SPEG: variants seen among roughly 807,000 people sequenced by gnomAD.
SPEG encodes striated muscle enriched protein kinase, also known as striated muscle preferentially expressed protein kinase.
SPEG carries 114 observed loss-of-function variants against 300.4 expected under a neutral mutation model. The observed-to-expected ratio is 0.38, with a 90% CI of 0.33 to 0.44. The LOEUF (loss-of-function observed/expected upper bound fraction) is 0.44. SPEG is among the 20% of genes least tolerant of loss of function. The pLI, the probability that SPEG is intolerant of heterozygous loss-of-function variation, is 1.00. For synonymous variants in SPEG, 1,964 were observed against 2,018.9 expected, an observed-to-expected ratio of 0.97 and a Z score of 0.73; for missense variants, 4,201 against 4,586.2, an observed-to-expected ratio of 0.92 and a Z score of 2.43.
rs939797764 is a variant in SPEG at position 219,479,471 on chromosome 2, C to G, written c.5085+270C>G. Among the ~76,000 whole-genome samples, 4 of 152,194 alleles carry G rather than the reference C, an allele frequency of 2.6e-5. No homozygotes were observed. The highest frequency in any genetic ancestry group is 4.4e-5 in the Non-Finnish European group (3 of 68,022). The stretch of plus-strand genomic sequence containing the variant: ...CCACTCTTCATCACATAAACATCCC[C>G]CAAACATTTCTCCTGGAAGGAGCCC... On this transcript the variant is annotated intron_variant, in intron 23 of 40. Coordinates refer to ENST00000312358, the MANE Select transcript of SPEG (RefSeq NM_005876.5). This position sits in a 1 kb window ranked among gnomAD's most constrained non-coding sequence, Gnocchi z 5.5.
At chr2:219,447,222 G>T (rs1383796978) in intron 3 of SPEG, among the ~76,000 whole-genome samples, 1 of 141,604 alleles carries the variant, frequency 7.1e-6, no homozygotes, top group East Asian at 2.2e-4. Flanking sequence ...GTGGGGGGGG[G>T]CCTTCTGTAC....
At chr2:219,455,841 G>T (rs144904621) in intron 6 of SPEG, among the ~76,000 whole-genome samples, 1 of 152,126 alleles carries the variant, frequency 6.6e-6, no homozygotes, top group Non-Finnish European at 1.5e-5. Context: ...CCCACCGTGC[G>T]CCCCGAGAGG....
At position 219,435,019 on chromosome 2, in the gene SPEG, G is replaced by A; in HGVS notation, c.42G>A (p.Thr14=). 2.0e-6 allele frequency: 3 copies of A among 1,503,760 alleles called. No individual in the cohort carries two copies. Among genetic ancestry groups the A allele is most frequent in the East Asian group, 2.8e-5 (1 of 35,858 alleles). 93.2% of individuals were successfully genotyped at this position (1,503,760 alleles called of 1,614,324 possible). ...GCACGCGAGGCGAGGATGCGGGCAC[G>A]AGGGCACCCCCCAGCCCCGGAGTGC... ...ARGTRGEDAG[T]RAPPSPGVPP... The change falls in exon 1 of 41, where the codon ACG becomes ACA. Residue 14 remains threonine (T), a synonymous_variant. Coordinates refer to ENST00000312358, the MANE Select transcript of SPEG (RefSeq NM_005876.5).
intron 9 of SPEG, chr2:219,465,934 CGTGCACGTGTGCGTGCAT>C: frequency 1.6e-6 from 1 of 626,024 alleles, no homozygotes; most frequent in Non-Finnish European, 2.6e-6. Context: ...CGCGCGTGTG[CGTGCACGTGTGCGTGCAT>C]GTGTGCGTGT....
intron 6 of SPEG, chr2:219,461,652 C>A: frequency 1.2e-6 from 1 of 846,608 alleles, no homozygotes; most frequent in Non-Finnish European, 1.7e-6. Context: ...GTGTCCCCTC[C>A]TGGGAGGATC....
Position 219,485,395 on chromosome 2 carries a change from G to T in SPEG, c.7659G>T (p.Arg2553=). The T allele has an allele frequency of 1.2e-6, 2 of 1,608,424 alleles. No individual in the cohort carries two copies. The highest frequency in any genetic ancestry group is 1.7e-6 in the Non-Finnish European group (2 of 1,177,616). ...SRLRWGFSRP[R]KDKGLSPPNL... is the part of the protein sequence containing the mutation. Reference sequence around the variant, plus strand: ...TCCGCTGGGGCTTCTCTCGGCCGCGGAAGGACAAGGGGTTATCGCCACCAA... The same window carrying T: ...TCCGCTGGGGCTTCTCTCGGCCGCGTAAGGACAAGGGGTTATCGCCACCAA... The change falls in exon 31 of 41, where the codon CGG becomes CGT. Residue 2553 remains arginine (R), a synonymous_variant. Coordinates refer to ENST00000312358, the MANE Select transcript of SPEG (RefSeq NM_005876.5).
chr2:219,436,175 C>A lies in SPEG; in HGVS notation c.388+810C>A, dbSNP rs187587513. 2.0e-5 allele frequency among the ~76,000 whole-genome samples: 3 copies of A among 152,320 alleles called. No individual in the cohort carries two copies. In the South Asian group the frequency reaches 6.2e-4, roughly 32 times the overall value. On this transcript the variant is annotated intron_variant, in intron 1 of 40. Coordinates refer to ENST00000312358, the MANE Select transcript of SPEG (RefSeq NM_005876.5). The stretch of plus-strand genomic sequence containing the variant: ...ATGCTATGGACCAGTGCTTGTCCCC[C>A]GCCCATAGATTTCCAGGTGCAGTGT...
intron 36 of SPEG, 140 bp from the exon 37 acceptor site, chr2:219,490,268 CT>C: frequency 8.0e-7 from 1 of 1,247,234 alleles, no homozygotes; most frequent in Non-Finnish European, 1.1e-6. Context: ...ACCCTGGTTT[CT>C]AGGATTGAAC....
At position 219,448,441 on chromosome 2, in the gene SPEG, T is replaced by C. The variant is rs1689485412; in HGVS notation, c.1283T>C (p.Val428Ala). 6.6e-7 allele frequency: 1 copy of C among 1,512,522 alleles called. No individual in the cohort carries two copies. Among genetic ancestry groups the C allele is most frequent in the South Asian group, 1.2e-5 (1 of 81,064 alleles). The allele number at this position is 1,512,522 out of a possible 1,614,324, so 93.7% of individuals were successfully genotyped here. A position where few individuals can be genotyped will look rare whatever the true frequency, so the allele number is the denominator to read the frequency against. ...DSPPAPLRPW[V>A]PLRKARSLEQ... ...CCGCCGGCGCCCCTGCGGCCCTGGGTGCCCCTGCGCAAGGCCCGCTCTCTG... is the reference window on the plus strand; with the variant it reads ...CCGCCGGCGCCCCTGCGGCCCTGGGCGCCCCTGCGCAAGGCCCGCTCTCTG... Residue 428 changes from valine (V) to alanine (A), a missense_variant, in exon 4 of 41, where the codon GTG becomes GCG. Val to Ala is a moderately conservative substitution (Grantham distance 64). Around this residue, in one of 4 missense-constraint regions of SPEG, gnomAD observed 1,258 missense variants for 1,293.9 expected, o/e 0.97. Transcript: ENST00000312358.
chr2:219,489,194 GAGA>G lies in SPEG; in HGVS notation c.8293_8295del (p.Lys2765del). Reference sequence around the variant, plus strand: ...GCAGGGGCCCTTCAGCAACTCTTCTGAGAAGGTCTTTGTCAGGGGTACTCAAGG... The same window carrying G: ...GCAGGGGCCCTTCAGCAACTCTTCTGAGGTCTTTGTCAGGGGTACTCAAGG... On this transcript the variant is annotated inframe_deletion, in exon 35 of 41. Transcript: ENST00000312358. The G allele has an allele frequency of 1.2e-6, 2 of 1,613,978 alleles. No individual in the cohort carries two copies. Among genetic ancestry groups the G allele is most frequent in the Non-Finnish European group, 8.5e-7 (1 of 1,179,946 alleles).
chr2:219,448,665 C>T lies in SPEG; in HGVS notation c.1507C>T (p.Arg503Cys), dbSNP rs1187384456. ...RFAQELGRIR[R>C]STSREELVRS... ...CGCCCAGGAGCTGGGCCGCATCCGCCGCTCCACGTCGCGGGAGGAGCTGGT... is the reference window on the plus strand; with the variant it reads ...CGCCCAGGAGCTGGGCCGCATCCGCTGCTCCACGTCGCGGGAGGAGCTGGT... The change falls in exon 4 of 41, where the codon CGC (arginine) becomes TGC (cysteine). Residue 503 changes from arginine to cysteine, a missense_variant. This residue lies in a region of SPEG where 1,258 missense variants were observed against 1,293.9 expected (regional missense o/e 0.97). Transcript: ENST00000312358. 2 of 1,492,060 alleles carry T rather than the reference C, an allele frequency of 1.3e-6. No homozygotes were observed. Among genetic ancestry groups the T allele is most frequent in the South Asian group, 1.3e-5 (1 of 79,790 alleles). The allele number at this position is 1,492,060 out of a possible 1,614,324, so 92.4% of individuals were successfully genotyped here.
At chr2:219,438,794 T>C (rs1954783603) in intron 1 of SPEG, among the ~76,000 whole-genome samples, 1 of 152,110 alleles carries the variant, frequency 6.6e-6, no homozygotes, top group African/African-American at 2.4e-5. Flanking sequence ...GATCAAAACA[T>C]GGTAATGAAC....
In SPEG at chr2:219,448,249, C is replaced by G. The variant is rs766118266; in HGVS notation, c.1091C>G (p.Ser364Cys). ...AAGAAGTCCAAGTCGTCCGGGCCCT[C>G]CCTGGCGGGCACCGCGGAATCCCGA... The part of the protein sequence containing the change: ...RGKKSKSSGP[S>C]LAGTAESRPQ... Residue 364 changes from serine (S) to cysteine (C), a missense_variant, in exon 4 of 41, where the codon TCC becomes TGC. Around this residue, in one of 4 missense-constraint regions of SPEG, gnomAD observed 1,258 missense variants for 1,293.9 expected, o/e 0.97. Coordinates refer to ENST00000312358, the MANE Select transcript of SPEG (RefSeq NM_005876.5). 6.2e-7 allele frequency: 1 copy of G among 1,612,272 alleles called. No individual in the cohort carries two copies. The highest frequency in any genetic ancestry group is 8.5e-7 in the Non-Finnish European group (1 of 1,179,606).
Position 219,472,000 on chromosome 2 carries a change from C to A in SPEG, c.3835+13C>A. The A allele has an allele frequency of 6.2e-7, 1 of 1,609,902 alleles. No individual in the cohort carries two copies. The highest frequency in any genetic ancestry group is 8.5e-7 in the Non-Finnish European group (1 of 1,179,870). On this transcript the variant is annotated intron_variant, in intron 14 of 40. Coordinates refer to ENST00000312358, the MANE Select transcript of SPEG (RefSeq NM_005876.5). ...CTGTATGTCACAGGTGAGGCAGGCA[C>A]CCTCGTGGTCAGCTGCACGCACAGC...
chr2:219,447,835 G>T, intron 3 of SPEG, 139 bp from the exon 4 acceptor site: 1 of 758,054 alleles, frequency 1.3e-6, no homozygotes, highest in South Asian at 1.8e-5. Context: ...GTGGGGGTGG[G>T]GGTGGGGGGC....
chr2:219,449,363 G>C lies in SPEG; in HGVS notation c.2113+92G>C, dbSNP rs539401531. On this transcript the variant is annotated intron_variant, in intron 4 of 40. Transcript: ENST00000312358. ...ACTGCTCAGCAGGAGCCGGGGGGTC[G>C]GGGGTTTCGCCTGGGGCTGCTAGCC... is the stretch of plus-strand genomic sequence containing the variant. The C allele has an allele frequency of 5.5e-6, 6 of 1,087,278 alleles. No homozygotes were observed. In the African/African-American group the frequency reaches 8.2e-5, roughly 15 times the overall value. 67.4% of individuals were successfully genotyped at this position (1,087,278 alleles called of 1,614,324 possible). A position where few individuals can be genotyped will look rare whatever the true frequency, so the allele number is the denominator to read the frequency against.
chr2:219,442,454 C>G (rs1688993765), intron 1 of SPEG, among the ~76,000 whole-genome samples: 1 of 148,760 alleles, frequency 6.7e-6, no homozygotes, highest in Non-Finnish European at 1.5e-5. Flanking sequence ...CCGGCCTGCC[C>G]CAGCCCCCCA....
chr2:219,452,020 G>A (rs1287542847), intron 6 of SPEG, among the ~76,000 whole-genome samples: 2 of 152,234 alleles, frequency 1.3e-5, no homozygotes, highest in African/African-American at 4.8e-5. Flanking sequence ...TCCCCAAGGC[G>A]CACAGAAGGC....
In SPEG at chr2:219,443,140, A is replaced by G. The variant is rs779189448; in HGVS notation, c.389-1513A>G. ...GCCATTCCCGCCGGGCCTTTGGCCGACTCACCCATGGTGCGTGGACCGTGG... is the reference window on the plus strand; with the variant it reads ...GCCATTCCCGCCGGGCCTTTGGCCGGCTCACCCATGGTGCGTGGACCGTGG... On this transcript the variant is annotated intron_variant, in intron 1 of 40. Transcript: ENST00000312358. The surrounding 1 kb of genome is among the most constrained non-coding windows in gnomAD (Gnocchi z 4.6). 1 of 1,612,468 alleles carries G rather than the reference A, an allele frequency of 6.2e-7. No homozygotes were observed. Among genetic ancestry groups the G allele is most frequent in the Admixed American group, 1.7e-5 (1 of 59,974 alleles).
Sources: gnomAD v4.1 joint callset for allele counts (sites outside exome capture counted in the v4.1 genomes callset) on GRCh38, gnomAD v4.1.1 for gene constraint, gnomAD v4.1.1 regional missense constraint, Gnocchi (gnomAD v3.1) non-coding constraint, MANE v1.5 for transcripts, NCBI Gene and HGNC (gene_info 2026-07-23, HGNC 2026-07-21) for gene names.